The following GRIN2A variants were observed in gnomAD, a reference collection of about 807,000 sequenced individuals.
The protein encoded by GRIN2A is glutamate ionotropic receptor NMDA type subunit 2A, also known as glutamate receptor ionotropic, NMDA 2A.
Under a neutral mutation model 113.4 loss-of-function variants are expected in GRIN2A, and 22 were observed. The observed-to-expected ratio is 0.19, with a 90% CI of 0.14 to 0.28. The LOEUF (loss-of-function observed/expected upper bound fraction) is 0.28, where lower values mean the gene tolerates loss of function less well. Among genes scored for constraint, GRIN2A ranks in the 10% least tolerant of loss-of-function variants. The pLI is 1.00. For missense variants in GRIN2A, 1,502 were observed against 1,887.0 expected (o/e 0.80, Z 3.78); for synonymous variants, 827 against 738.4 (o/e 1.12, Z -1.94).
At chr16:10,010,595 T>C (rs2141866662) in intron 2 of GRIN2A, among the ~76,000 whole-genome samples, 1 of 152,314 alleles carries the variant, frequency 6.6e-6, no homozygotes. Context: ...TAGTACTTTA[T>C]AGGTACTTCA....
intron 11 of GRIN2A, among the ~76,000 whole-genome samples, chr16:9,783,069 G>A (rs927501262): frequency 6.6e-6 from 1 of 152,170 alleles, no homozygotes; most frequent in South Asian, 2.1e-4. Flanking sequence ...TGACTTAGTT[G>A]TTGGGGCATC....
At chr16:9,808,931 G>A (rs897181644) in intron 10 of GRIN2A, among the ~76,000 whole-genome samples, 3 of 151,620 alleles carry the variant, frequency 2.0e-5, no homozygotes, top group African/African-American at 7.3e-5. Context: ...AAAGTCTAGT[G>A]AGAAGAAAAT....
At chr16:9,962,718 G>A (rs960057048) in intron 2 of GRIN2A, among the ~76,000 whole-genome samples, 7 of 151,628 alleles carry the variant, frequency 4.6e-5, no homozygotes, top group Admixed American at 4.6e-4. Context: ...TCGGTAGATT[G>A]CTCAGGGATC....
intron 2 of GRIN2A, among the ~76,000 whole-genome samples, chr16:10,061,359 T>C (rs938406849): frequency 3.9e-5 from 6 of 152,222 alleles, no homozygotes; most frequent in Admixed American, 1.3e-4. Context: ...AATAAACTTC[T>C]CTTTTGTTTT....
At chr16:9,812,674 CAATA>C (rs545965534) in intron 10 of GRIN2A, among the ~76,000 whole-genome samples, 129 of 151,978 alleles carry the variant, frequency 8.5e-4, no homozygotes, top group Non-Finnish European at 8.4e-4. Flanking sequence ...AAGAAATAAA[CAATA>C]AAATAAATAA....
intron 2 of GRIN2A, among the ~76,000 whole-genome samples, chr16:9,988,382 C>G (rs375984326): frequency 1.8e-4 from 28 of 152,138 alleles, no homozygotes; most frequent in African/African-American, 6.5e-4. Flanking sequence ...AATTATACCA[C>G]TCAATTTTCT....
In GRIN2A at chr16:10,064,439, C is replaced by T. The variant is rs138550483; in HGVS notation, c.414+115559G>A. 1.1e-3 allele frequency among the ~76,000 whole-genome samples: 166 copies of T among 152,296 alleles called. 2 individuals carry two copies. Among genetic ancestry groups the T allele is most frequent in the Admixed American group, 9.3e-3 (143 of 15,296 alleles). On this transcript the variant is annotated intron_variant, in intron 2 of 12. Transcript: ENST00000330684. ...ACCAGAGATCCTCAAACATTTTCAA[C>T]TAGGACTTTATCAACGGGAAAAAGA... is the stretch of plus-strand genomic sequence containing the variant.
In GRIN2A at chr16:9,829,606, A is replaced by G; in HGVS notation, c.1824T>C (p.Leu608=). ...SFTIGKAIWL[L]WGLVFNNSVP... The stretch of plus-strand genomic sequence containing the variant: ...CGGAGTTATTGAACACCAGGCCCCA[A>G]AGAAGCCATATAGCTTTTCCAATTG... Residue 608 remains leucine, a synonymous_variant, in exon 9 of 13, where the codon CTT becomes CTC. Coordinates refer to ENST00000330684, the MANE Select transcript of GRIN2A (RefSeq NM_001134407.3). 1.2e-6 allele frequency: 2 copies of G among 1,614,042 alleles called. No homozygotes were observed. Among genetic ancestry groups the G allele is most frequent in the Non-Finnish European group, 1.7e-6 (2 of 1,179,926 alleles).
rs191543621 is a variant in GRIN2A at position 10,176,138 on chromosome 16, T to C, written c.414+3860A>G. 5.6e-4 allele frequency among the ~76,000 whole-genome samples: 85 copies of C among 151,962 alleles called. No individual in the cohort carries two copies. In the East Asian group the frequency reaches 0.015, roughly 27 times the overall value. Reference sequence around the variant, plus strand: ...TCCCTGCCTCAGCCTCCTGAGTAGCTGGGATTACAGGGGCCTGCCACCACA... The same window carrying C: ...TCCCTGCCTCAGCCTCCTGAGTAGCCGGGATTACAGGGGCCTGCCACCACA... On this transcript the variant is annotated intron_variant, in intron 2 of 12. Transcript: ENST00000330684.
chr16:10,053,963 T>C (rs531844065), intron 2 of GRIN2A, among the ~76,000 whole-genome samples: 1 of 151,760 alleles, frequency 6.6e-6, no homozygotes, highest in South Asian at 2.1e-4. Flanking sequence ...TATTAGTTGG[T>C]GCAAAAGTAA....
chr16:9,974,758 C>G (rs1361742943), intron 2 of GRIN2A, among the ~76,000 whole-genome samples: 1 of 152,126 alleles, frequency 6.6e-6, no homozygotes, highest in African/African-American at 2.4e-5. Context: ...TCATGTGATC[C>G]CTAGAGCAAT....
intron 4 of GRIN2A, among the ~76,000 whole-genome samples, chr16:9,857,092 G>T: frequency 6.6e-6 from 1 of 151,996 alleles, no homozygotes; most frequent in East Asian, 1.9e-4. Flanking sequence ...CCAATGTAGG[G>T]GTATTCTAGA....
intron 3 of GRIN2A, among the ~76,000 whole-genome samples, chr16:9,902,445 C>G (rs1017791218): frequency 6.6e-6 from 1 of 152,238 alleles, no homozygotes; most frequent in Non-Finnish European, 1.5e-5. Context: ...GTCCCGGACA[C>G]TGTGGAATAC....
At chr16:10,112,632 G>A in intron 2 of GRIN2A, 1 of 768,104 alleles carries the variant, frequency 1.3e-6, no homozygotes, top group African/African-American at 1.7e-5. Context: ...CTCGCTAGAT[G>A]CCATGGAGAA....
intron 2 of GRIN2A, among the ~76,000 whole-genome samples, chr16:9,992,570 G>T (rs1410096516): frequency 2.0e-5 from 3 of 152,212 alleles, no homozygotes; most frequent in African/African-American, 7.2e-5. Flanking sequence ...TCCACCGGAG[G>T]CAAGGAACAG....
intron 2 of GRIN2A, among the ~76,000 whole-genome samples, chr16:10,147,530 G>A (rs538784282): frequency 4.6e-5 from 7 of 150,640 alleles, no homozygotes; most frequent in African/African-American, 1.7e-4. Context: ...CAGCTACTCA[G>A]GAGCCTGAGG....
Position 9,937,947 on chromosome 16 carries a change from G to T in GRIN2A, c.1007+12C>A, listed in dbSNP as rs1417107326. The T allele has an allele frequency of 2.5e-6, 4 of 1,590,450 alleles. No homozygotes were observed. The highest frequency in any genetic ancestry group is 2.7e-5 in the African/African-American group (2 of 74,590). ...CTGATCCCACTTTGGGAGACAACAA[G>T]CCCTTTCTTACGGGTGCAAGGTGTG... is the stretch of plus-strand genomic sequence containing the variant. On this transcript the variant is annotated intron_variant, in intron 3 of 12. Transcript: ENST00000330684.
At chr16:10,145,224 G>A (rs1049346445) in intron 2 of GRIN2A, among the ~76,000 whole-genome samples, 4 of 152,124 alleles carry the variant, frequency 2.6e-5, no homozygotes, top group Admixed American at 2.0e-4. Context: ...TAGTTATGCA[G>A]GATGAATAAG....
intron 2 of GRIN2A, among the ~76,000 whole-genome samples, chr16:10,148,783 G>A (rs1173702829): frequency 6.6e-6 from 1 of 152,160 alleles, no homozygotes; most frequent in Non-Finnish European, 1.5e-5. Flanking sequence ...TATGTTTATT[G>A]CAGCACTATT....
Sources: allele counts gnomAD v4.1 joint callset (sites outside exome capture counted in the v4.1 genomes callset), GRCh38; gene constraint gnomAD v4.1.1; transcripts MANE v1.5; gene names NCBI Gene and HGNC (gene_info 2026-07-23, HGNC 2026-07-21).